A2ML1: variants seen among roughly 807,000 people sequenced by gnomAD.
The protein encoded by A2ML1 is alpha-2-macroglobulin-like protein 1.
A2ML1 carries 161 observed loss-of-function variants against 181.9 expected under a neutral mutation model. That is an observed-to-expected ratio of 0.89 (90% CI 0.78 to 1.01). The LOEUF (loss-of-function observed/expected upper bound fraction) is 1.01. A2ML1 is among the 50% of genes least tolerant of loss of function. The pLI is 0.00. For synonymous variants in A2ML1, 663 were observed against 666.8 expected (o/e 0.99, Z 0.09); for missense variants, 1,670 against 1,768.1 (o/e 0.94, Z 1.00).
chr12:8,854,461 G>A (rs940797273), intron 21 of A2ML1, among the ~76,000 whole-genome samples: 2 of 152,164 alleles, frequency 1.3e-5, no homozygotes, highest in Non-Finnish European at 2.9e-5. Flanking sequence ...CTCAACAAAT[G>A]TTAGTTTACC....
chr12:8,875,222 C>T (rs1443975205), intron 35 of A2ML1, among the ~76,000 whole-genome samples: 1 of 151,904 alleles, frequency 6.6e-6, no homozygotes, highest in Admixed American at 6.6e-5. Flanking sequence ...GGATTATAGG[C>T]GCCCACCATG....
In A2ML1 at chr12:8,857,527, T is replaced by G. The variant is rs1356228833; in HGVS notation, c.3046T>G (p.Tyr1016Asp). The G allele has an allele frequency of 1.2e-6, 2 of 1,611,952 alleles. No individual in the cohort carries two copies. Among genetic ancestry groups the G allele is most frequent in the Non-Finnish European group, 1.7e-6 (2 of 1,179,362 alleles). ...CCCAGGGTACCAGAAGGAGCTGATG[T>G]ACAAACACAGCAATGGCTCATACAG... Reference protein sequence around the residue: ...LEIGYQKELMYKHSNGSYSAF... With the variant: ...LEIGYQKELMDKHSNGSYSAF... The change falls in exon 25 of 36, where the codon TAC becomes GAC. Residue 1016 changes from tyrosine to aspartate, a missense_variant. Coordinates refer to ENST00000299698, the MANE Select transcript of A2ML1 (RefSeq NM_144670.6).
intron 29 of A2ML1, among the ~76,000 whole-genome samples, chr12:8,866,619 G>T (rs905772195): frequency 1.3e-5 from 2 of 152,004 alleles, no homozygotes; most frequent in African/African-American, 2.4e-5. Flanking sequence ...TGACAGTGAG[G>T]TCCCTTTCTT....
At chr12:8,833,388 G>C (rs1161152507) in intron 4 of A2ML1, among the ~76,000 whole-genome samples, 1 of 152,070 alleles carries the variant, frequency 6.6e-6, no homozygotes, top group Non-Finnish European at 1.5e-5. Context: ...TGTTATCGAA[G>C]TGTTTTTTGT....
chr12:8,857,991 C>A lies in A2ML1; in HGVS notation c.3153C>A (p.Phe1051Leu), dbSNP rs1264199430. The change falls in exon 26 of 36, where the codon TTC becomes TTA. Residue 1051 changes from phenylalanine (F) to leucine (L), a missense_variant. Transcript: ENST00000299698. ...AATGCTTTGGCCAAGCTCAGAAATT[C>A]ATCTTCATTGATCCCAAGAACATCC... Reference protein sequence around the residue: ...VTKCFGQAQKFIFIDPKNIQD... With the variant: ...VTKCFGQAQKLIFIDPKNIQD... The A allele has an allele frequency of 6.2e-7, 1 of 1,614,152 alleles. No individual in the cohort carries two copies. Among genetic ancestry groups the A allele is most frequent in the Non-Finnish European group, 8.5e-7 (1 of 1,180,030 alleles).
In A2ML1 at chr12:8,854,828, A is replaced by G. The variant is rs1944006440; in HGVS notation, c.2761A>G (p.Lys921Glu). ...GACACACAGCTCATTGCTGTGCCCAAAAGGTGGGTGGACTCAGAGCAGGAT... is the reference window on the plus strand; with the variant it reads ...GACACACAGCTCATTGCTGTGCCCAGAAGGTGGGTGGACTCAGAGCAGGAT... ...EKTHSSLLCPKGKVASESVSL... is the reference protein window; with the variant it reads ...EKTHSSLLCPEGKVASESVSL... The change falls in exon 22 of 36, where the codon AAA (lysine) becomes GAA (glutamate). Residue 921 changes from lysine to glutamate, a missense_variant. By Grantham distance (56) the Lys-to-Glu change is moderately conservative (BLOSUM62 1). Transcript: ENST00000299698. 1.2e-6 allele frequency: 2 copies of G among 1,613,952 alleles called. No individual in the cohort carries two copies. Among genetic ancestry groups the G allele is most frequent in the East Asian group, 4.5e-5 (2 of 44,874 alleles).
chr12:8,836,289 C>T lies in A2ML1; in HGVS notation c.678C>T (p.Pro226=), dbSNP rs1943273076. The change falls in exon 7 of 36, where the codon CCC becomes CCT. Residue 226 remains proline, a synonymous_variant. Coordinates refer to ENST00000299698, the MANE Select transcript of A2ML1 (RefSeq NM_144670.6). ...LPKFKVEVVE[P]KELSTVQESF... is the part of the protein sequence containing the mutation. ...AGTTTAAGGTGGAAGTGGTGGAACC[C>T]AAGGAGTTATCAACGGTGCAGGAAT... The T allele has an allele frequency of 1.2e-6, 2 of 1,614,008 alleles. No homozygotes were observed. Among genetic ancestry groups the T allele is most frequent in the East Asian group, 4.5e-5 (2 of 44,860 alleles).
intron 11 of A2ML1, among the ~76,000 whole-genome samples, chr12:8,841,822 G>A (rs1943489915): frequency 6.6e-6 from 1 of 152,130 alleles, no homozygotes; most frequent in African/African-American, 2.4e-5. Flanking sequence ...AGAGCAGGGA[G>A]GAATAGGTGA....
chr12:8,883,003 A>G (rs966574807), intron 7 of A2ML1, among the ~76,000 whole-genome samples: 3 of 152,032 alleles, frequency 2.0e-5, no homozygotes, highest in African/African-American at 7.3e-5. Flanking sequence ...CCCAATTTCC[A>G]CTAAAATCTC....
At chr12:8,855,792 A>T (rs186357612) in intron 23 of A2ML1, among the ~76,000 whole-genome samples, 200 bp downstream of exon 23, 143 of 152,346 alleles carry the variant, frequency 9.4e-4, no homozygotes, top group Non-Finnish European at 1.3e-3. Context: ...CTCTAGTTAA[A>T]AATGGAAGAG....
At chr12:8,861,440 G>T in intron 28 of A2ML1, 143 bp downstream of exon 28, 1 of 1,033,806 alleles carries the variant, frequency 9.7e-7, no homozygotes. Context: ...TTATTGTTGG[G>T]AGGTTTGTGA....
At chr12:8,860,748 A>G (rs2136928846) in intron 26 of A2ML1, 133 bp from the exon 27 acceptor site, 1 of 768,972 alleles carries the variant, frequency 1.3e-6, no homozygotes, top group Non-Finnish European at 2.1e-6. Context: ...CCTGTGGAAA[A>G]AAGAGCTTTC....
At chr12:8,839,288 C>T in intron 10 of A2ML1, 66 bp downstream of exon 10, 1 of 1,106,016 alleles carries the variant, frequency 9.0e-7, no homozygotes, top group Non-Finnish European at 1.3e-6. Context: ...CTCCTTCCTG[C>T]AGCCATAGCC....
chr12:8,835,539 G>A lies in A2ML1; in HGVS notation c.516G>A (p.Leu172=). 1.2e-6 allele frequency: 2 copies of A among 1,614,188 alleles called. No individual in the cohort carries two copies. Among genetic ancestry groups the A allele is most frequent in the Non-Finnish European group, 1.7e-6 (2 of 1,180,028 alleles). Residue 172 remains leucine (L), a synonymous_variant, in exon 6 of 36, where the codon CTG becomes CTA. Coordinates refer to ENST00000299698, the MANE Select transcript of A2ML1 (RefSeq NM_144670.6). Reference sequence around the variant, plus strand: ...ATAGCAACAGGATTGCACAGTGGCTGGAAGTGGTACCTGAGCAAGGCATTG... The same window carrying A: ...ATAGCAACAGGATTGCACAGTGGCTAGAAGTGGTACCTGAGCAAGGCATTG... ...DPNSNRIAQW[L]EVVPEQGIVD...
chr12:8,846,476 A>T (rs1179750196), intron 14 of A2ML1, among the ~76,000 whole-genome samples: 1 of 152,098 alleles, frequency 6.6e-6, no homozygotes, highest in Non-Finnish European at 1.5e-5. Context: ...AGGCCAAGGC[A>T]GAGGGATTTC....
chr12:8,847,245 T>TAAAA (rs569093906), intron 14 of A2ML1, among the ~76,000 whole-genome samples: 1 of 121,800 alleles, frequency 8.2e-6, no homozygotes, highest in Non-Finnish European at 1.7e-5. Flanking sequence ...CTGTCTCTAT[T>TAAAA]AAAAAAAAAA....
intron 12 of A2ML1, 185 bp from the exon 13 acceptor site, chr12:8,845,257 A>T: frequency 1.3e-6 from 2 of 1,498,018 alleles, no homozygotes; most frequent in Non-Finnish European, 1.8e-6. Context: ...AGGAGGAGCC[A>T]CCAGGACCCG....
In A2ML1 at chr12:8,831,911, G is replaced by A. The variant is rs370474743; in HGVS notation, c.462+2132G>A. On this transcript the variant is annotated intron_variant, in intron 4 of 35. Coordinates refer to ENST00000299698, the MANE Select transcript of A2ML1 (RefSeq NM_144670.6). ...ATTACAGGCATGCGCCAACACGCCCGGCTAATTTTGGTACTTTTAGTAGAG... is the reference window on the plus strand; with the variant it reads ...ATTACAGGCATGCGCCAACACGCCCAGCTAATTTTGGTACTTTTAGTAGAG... Among the ~76,000 whole-genome samples the A allele has an allele frequency of 1.6e-3, 243 of 152,148 alleles. 5 individuals carry two copies. In the Middle Eastern group the frequency reaches 0.024, roughly 15 times the overall value.
chr12:8,825,003 C>G (rs180876246), intron 3 of A2ML1, among the ~76,000 whole-genome samples: 1 of 152,304 alleles, frequency 6.6e-6, no homozygotes, highest in Admixed American at 6.5e-5. Context: ...TGTTCATAGA[C>G]ACTTAGGTTG....
Sources: allele counts gnomAD v4.1 joint callset (sites outside exome capture counted in the v4.1 genomes callset), GRCh38; gene constraint gnomAD v4.1.1; transcripts MANE v1.5; gene names NCBI Gene and HGNC (gene_info 2026-07-23, HGNC 2026-07-21).